The following BMP2K variants were observed in gnomAD, a reference collection of about 807,000 sequenced individuals.
BMP2K encodes BMP2 inducible kinase.
A neutral mutation model predicts 116.0 loss-of-function variants in BMP2K; 74 were observed. That is an observed-to-expected ratio of 0.64 (90% CI 0.53 to 0.77). The LOEUF (loss-of-function observed/expected upper bound fraction) is 0.77. Among genes scored for constraint, BMP2K ranks in the 30% least tolerant of loss-of-function variants. The pLI is 0.00. For missense variants in BMP2K, 1,365 were observed against 1,403.6 expected (o/e 0.97, Z 0.44); for synonymous variants, 486 against 502.5 (o/e 0.97, Z 0.44).
intron 14 of BMP2K, 147 bp downstream of exon 14, chr4:78,879,038 T>C (rs1732773803): frequency 7.0e-7 from 1 of 1,435,176 alleles, no homozygotes; most frequent in Non-Finnish European, 9.1e-7. Context: ...CTTATACATA[T>C]ACTATCAAAT....
chr4:78,853,971 A>G (rs2110036949), intron 7 of BMP2K, among the ~76,000 whole-genome samples: 1 of 152,248 alleles, frequency 6.6e-6, no homozygotes, highest in African/African-American at 2.4e-5. Flanking sequence ...TTACTAGAGC[A>G]TACTTTCCCT....
At chr4:78,846,101 C>T (rs941915317) in intron 5 of BMP2K, among the ~76,000 whole-genome samples, 2 of 151,668 alleles carry the variant, frequency 1.3e-5, no homozygotes, top group African/African-American at 4.8e-5. Context: ...CCAAGCATCC[C>T]TGACCTGCTA....
Position 78,914,563 on chromosome 4 carries a change from T to G in BMP2K, c.*2530T>G, listed in dbSNP as rs753907713. 6.6e-6 allele frequency: 1 copy of G among 151,950 alleles called. No individual in the cohort carries two copies. The highest frequency in any genetic ancestry group is 1.5e-5 in the Non-Finnish European group (1 of 67,898). 9.4% of individuals were successfully genotyped at this position (151,950 alleles called of 1,614,324 possible). A position where few individuals can be genotyped will look rare whatever the true frequency, so the allele number is the denominator to read the frequency against. ...CACAGCTGATGCTCAGGTTATTCCCTTGTGAGAATTATGAGAATAAAGCTC... is the reference window on the plus strand; with the variant it reads ...CACAGCTGATGCTCAGGTTATTCCCGTGTGAGAATTATGAGAATAAAGCTC... On this transcript the variant is annotated 3_prime_UTR_variant, in exon 16 of 16. Transcript: ENST00000502613.
chr4:78,821,549 G>A (rs1054909669), intron 1 of BMP2K, among the ~76,000 whole-genome samples: 7 of 152,064 alleles, frequency 4.6e-5, no homozygotes, highest in African/African-American at 1.7e-4. Context: ...CTATTCCCAT[G>A]CCCCAGAATG....
intron 7 of BMP2K, among the ~76,000 whole-genome samples, chr4:78,855,327 T>C (rs1731452831): frequency 6.6e-6 from 1 of 152,120 alleles, no homozygotes; most frequent in Admixed American, 6.6e-5. Flanking sequence ...GGCAATAACT[T>C]GAAGTTTGTG....
At chr4:78,799,973 G>T (rs995718608) in intron 1 of BMP2K, among the ~76,000 whole-genome samples, 4 of 152,202 alleles carry the variant, frequency 2.6e-5, no homozygotes, top group Non-Finnish European at 4.4e-5. Context: ...AATAGTGGAA[G>T]TCGGTGAGCA....
At chr4:78,800,314 G>GT (rs1391704783) in intron 1 of BMP2K, among the ~76,000 whole-genome samples, 2 of 152,182 alleles carry the variant, frequency 1.3e-5, no homozygotes, top group Non-Finnish European at 1.5e-5. Flanking sequence ...ACTTGAGATA[G>GT]TTATACAAAG....
intron 1 of BMP2K, among the ~76,000 whole-genome samples, chr4:78,786,123 G>C (rs62310795): frequency 0.064 from 9,663 of 152,014 alleles, 423 homozygotes; most frequent in East Asian, 0.22. Context: ...GACTCCTCCC[G>C]CAATTCATAT....
intron 3 of BMP2K, among the ~76,000 whole-genome samples, chr4:78,836,431 A>G (rs943778623): frequency 2.6e-5 from 4 of 151,988 alleles, no homozygotes; most frequent in African/African-American, 9.7e-5. Context: ...AAAAAAAAGA[A>G]GTAAAAATAA....
chr4:78,776,586 G>C lies in BMP2K; in HGVS notation c.43G>C (p.Gly15Arg). The C allele has an allele frequency of 8.6e-7, 1 of 1,168,150 alleles. No individual in the cohort carries two copies. The highest frequency in any genetic ancestry group is 1.1e-6 in the Non-Finnish European group (1 of 942,674). The allele number at this position is 1,168,150 out of a possible 1,614,324, so 72.4% of individuals were successfully genotyped here. Residue 15 changes from glycine to arginine, a missense_variant, in exon 1 of 16, where the codon GGC (glycine) becomes CGC (arginine). Transcript: ENST00000502613. ...SRMPKSEGGS[G>R]GGAAGGGAGG... ...GATGCCCAAGTCGGAGGGCGGCAGC[G>C]GCGGCGGAGCGGCGGGTGGCGGGGC...
At chr4:78,787,965 A>G (rs1727806484) in intron 1 of BMP2K, among the ~76,000 whole-genome samples, 1 of 152,154 alleles carries the variant, frequency 6.6e-6, no homozygotes, top group African/African-American at 2.4e-5. Flanking sequence ...CTTTATACAT[A>G]AGTATTCTCT....
chr4:78,858,207 A>G (rs1373058683), intron 7 of BMP2K, among the ~76,000 whole-genome samples: 1 of 151,978 alleles, frequency 6.6e-6, no homozygotes, highest in Non-Finnish European at 1.5e-5. Flanking sequence ...ATGAATAAGT[A>G]GTTATTGTTA....
intron 3 of BMP2K, among the ~76,000 whole-genome samples, chr4:78,840,101 T>C (rs547448685): frequency 7.9e-5 from 12 of 151,054 alleles, no homozygotes; most frequent in Admixed American, 6.6e-4. Context: ...TTTAACTAAG[T>C]GGTAATATGT....
At chr4:78,894,705 A>G (rs1444674687) in intron 15 of BMP2K, among the ~76,000 whole-genome samples, 1 of 152,118 alleles carries the variant, frequency 6.6e-6, no homozygotes, top group East Asian at 1.9e-4. Flanking sequence ...ATTTCCTTCA[A>G]TAATTTTTCC....
At chr4:78,791,397 A>T (rs1419223834) in intron 1 of BMP2K, among the ~76,000 whole-genome samples, 2 of 152,110 alleles carry the variant, frequency 1.3e-5, no homozygotes, top group African/African-American at 4.8e-5. Context: ...AGTGAAAAGC[A>T]TTTCATTACT....
chr4:78,780,488 G>T (rs553489037), intron 1 of BMP2K, among the ~76,000 whole-genome samples: 1 of 152,260 alleles, frequency 6.6e-6, no homozygotes, highest in South Asian at 2.1e-4. Context: ...TTTCAGGAAG[G>T]TTGTACTATA....
intron 1 of BMP2K, among the ~76,000 whole-genome samples, chr4:78,784,480 T>C (rs1382811109): frequency 6.6e-6 from 1 of 152,230 alleles, no homozygotes; most frequent in East Asian, 1.9e-4. Context: ...AGCTGGGCAC[T>C]TAGTTAATTT....
chr4:78,844,059 A>C, intron 4 of BMP2K, among the ~76,000 whole-genome samples: 1 of 152,014 alleles, frequency 6.6e-6, no homozygotes, highest in Non-Finnish European at 1.5e-5. Context: ...TAAATGAATT[A>C]CTTATCTAAG....
chr4:78,900,896 G>A (rs1254306891), intron 15 of BMP2K, among the ~76,000 whole-genome samples: 3 of 152,176 alleles, frequency 2.0e-5, no homozygotes, highest in Non-Finnish European at 2.9e-5. Flanking sequence ...TAATTATCAT[G>A]AATTATATTT....
Sources: allele counts gnomAD v4.1 joint callset (sites outside exome capture counted in the v4.1 genomes callset), GRCh38; gene constraint gnomAD v4.1.1; transcripts MANE v1.5; gene names NCBI Gene and HGNC (gene_info 2026-07-23, HGNC 2026-07-21).